BTD: variants seen among roughly 807,000 people sequenced by gnomAD.
BTD encodes biocytinase.
In BTD, 13 loss-of-function variants were observed where a neutral mutation model predicts 17.7. The ratio of observed to expected loss-of-function variants is 0.74; its 90% CI spans 0.48 to 1.17. BTD has a LOEUF of 1.17. Among genes scored for constraint, BTD ranks in the 50% most tolerant of loss-of-function variants. The probability of loss-of-function intolerance (pLI) is 0.00; values close to 1 mark genes in which losing one functional copy is unlikely to be tolerated. For synonymous variants in BTD, 240 were observed against 245.2 expected (o/e 0.98, Z 0.20); for missense variants, 674 against 650.4 (o/e 1.04, Z -0.39).
intron 3 of BTD, among the ~76,000 whole-genome samples, chr3:15,682,547 G>A (rs988594281): frequency 2.0e-5 from 3 of 152,124 alleles, no homozygotes; most frequent in Non-Finnish European, 4.4e-5. Flanking sequence ...ATTTTTTAAA[G>A]GAATAATAAG....
rs933546568 is a variant in BTD, at chr3:15,648,651, T to C, written c.*3163T>C. On this transcript the variant is annotated 3_prime_UTR_variant, in exon 4 of 4. Coordinates refer to ENST00000643237, the MANE Select transcript of BTD (RefSeq NM_001370658.1). The stretch of plus-strand genomic sequence containing the variant: ...GCCTCACTGGATTTGGAGAATATTA[T>C]TGATTAAATTGCGTCTTCCCCAAAA... Among the ~76,000 whole-genome samples the C allele has an allele frequency of 1.3e-5, 2 of 152,176 alleles. No individual in the cohort carries two copies. The highest frequency in any genetic ancestry group is 4.8e-5 in the African/African-American group (2 of 41,436).
intron 3 of BTD, among the ~76,000 whole-genome samples, chr3:15,696,475 AGTCT>A (rs1279408804): frequency 6.6e-6 from 1 of 152,134 alleles, no homozygotes; most frequent in Non-Finnish European, 1.5e-5. Context: ...ATACCTCAAA[AGTCT>A]GTCAGACAGC....
intron 3 of BTD, 120 bp downstream of exon 3, chr3:15,642,177 A>G (rs774349269): frequency 6.5e-7 from 1 of 1,530,556 alleles, no homozygotes; most frequent in Non-Finnish European, 8.8e-7. Context: ...CCAAAATCCA[A>G]CCCAAACTCC....
chr3:15,627,415 A>T (rs1191687218), intron 1 of BTD, among the ~76,000 whole-genome samples: 1 of 152,030 alleles, frequency 6.6e-6, no homozygotes, highest in African/African-American at 2.4e-5. Flanking sequence ...TTTGGTAGAG[A>T]CAGTGTTTCT....
chr3:15,677,012 A>G, intron 3 of BTD: 2 of 1,613,400 alleles, frequency 1.2e-6, no homozygotes, highest in African/African-American at 1.3e-5. Flanking sequence ...TGAGGTTTCT[A>G]TCTGTTATCT....
At chr3:15,664,550 TCA>T (rs1346515196) in intron 3 of BTD, among the ~76,000 whole-genome samples, 22 of 152,212 alleles carry the variant, frequency 1.4e-4, no homozygotes, top group Non-Finnish European at 2.1e-4. Context: ...CCTTTAATTT[TCA>T]GACTTCTAAA....
rs761112772 is a variant in BTD at position 15,635,503 on chromosome 3, G to T, written c.64G>T (p.Ala22Ser). 2 of 1,614,232 alleles carry T rather than the reference G, an allele frequency of 1.2e-6. No homozygotes were observed. Among genetic ancestry groups the T allele is most frequent in the Admixed American group, 1.7e-5 (1 of 60,030 alleles). ...CGGCTGTTACGTGGTTGCCCTGGGAGCCCACACCGGGGAGGAGAGCGTGGC... is the reference window on the plus strand; with the variant it reads ...CGGCTGTTACGTGGTTGCCCTGGGATCCCACACCGGGGAGGAGAGCGTGGC... ...LCGCYVVALGAHTGEESVADH... is the reference protein window; with the variant it reads ...LCGCYVVALGSHTGEESVADH... The change falls in exon 2 of 4, where the codon GCC (alanine) becomes TCC (serine). Residue 22 changes from alanine to serine, a missense_variant. By Grantham distance (99) the Ala-to-Ser change is moderately conservative. Coordinates refer to ENST00000643237, the MANE Select transcript of BTD (RefSeq NM_001370658.1). This position sits in a 1 kb window ranked among gnomAD's most constrained non-coding sequence, Gnocchi z 4.1.
intron 3 of BTD, chr3:15,708,148 C>G: frequency 7.0e-7 from 1 of 1,430,860 alleles, no homozygotes; most frequent in South Asian, 1.3e-5. Context: ...TTACTCCTCC[C>G]AGTTACAAAT....
At chr3:15,703,045 G>A (rs2070842071) in intron 3 of BTD, among the ~76,000 whole-genome samples, 1 of 152,150 alleles carries the variant, frequency 6.6e-6, no homozygotes. Flanking sequence ...AAAAGGCAGA[G>A]CTAGTATCAA....
At chr3:15,654,166 A>G (rs2065846669), downstream of BTD, among the ~76,000 whole-genome samples, 1 of 152,242 alleles carries the variant, frequency 6.6e-6, no homozygotes, top group African/African-American at 2.4e-5. Context: ...CAGTATTTGA[A>G]GAACTAACAA....
At position 15,651,897 on chromosome 3, in the gene BTD, G is replaced by T. The variant is rs2065811080; in HGVS notation, c.*6409G>T. ...TTAATGAAAATAACCTTGGTAGCTA[G>T]TCTCAAGATTAGCCCCCAGTGCTCC... On this transcript the variant is annotated 3_prime_UTR_variant, in exon 4 of 4. Coordinates refer to ENST00000643237, the MANE Select transcript of BTD (RefSeq NM_001370658.1). 6.6e-6 allele frequency among the ~76,000 whole-genome samples: 1 copy of T among 152,246 alleles called. No individual in the cohort carries two copies. The highest frequency in any genetic ancestry group is 2.1e-4 in the South Asian group (1 of 4,832).
At chr3:15,679,154 A>G (rs1168177757) in intron 3 of BTD, 3 of 670,216 alleles carry the variant, frequency 4.5e-6, no homozygotes, top group Non-Finnish European at 5.1e-6. Context: ...TTTTTGGTAG[A>G]GATGCAGGTC....
downstream of BTD, among the ~76,000 whole-genome samples, chr3:15,655,327 G>A (rs1446009621): frequency 6.6e-6 from 1 of 152,166 alleles, no homozygotes; most frequent in African/African-American, 2.4e-5. Context: ...ATAAAAGCCA[G>A]TATTTTGGCA....
chr3:15,720,874 T>A (rs1050068868), intron 4 of BTD: 9 of 1,566,870 alleles, frequency 5.7e-6, no homozygotes, highest in Non-Finnish European at 6.1e-6. Flanking sequence ...GTTTTAACAG[T>A]GACATATGAA....
At chr3:15,657,249 C>G (rs529549837), downstream of BTD, among the ~76,000 whole-genome samples, 1 of 152,264 alleles carries the variant, frequency 6.6e-6, no homozygotes, top group South Asian at 2.1e-4. Flanking sequence ...CTTCTAGATT[C>G]AAGGAGAGGA....
chr3:15,611,697 G>GAA (rs1313032433), intron 1 of BTD, among the ~76,000 whole-genome samples: 2 of 151,534 alleles, frequency 1.3e-5, no homozygotes, highest in African/African-American at 4.9e-5. Flanking sequence ...AGGATTGCTT[G>GAA]AATCCAGGAG....
intron 3 of BTD, among the ~76,000 whole-genome samples, chr3:15,705,448 A>G (rs1049722015): frequency 6.6e-6 from 1 of 152,174 alleles, no homozygotes; most frequent in African/African-American, 2.4e-5. Context: ...GATCATGCTG[A>G]GCTGTACCCA....
At chr3:15,677,791 T>C (rs1277135292) in intron 3 of BTD, among the ~76,000 whole-genome samples, 1 of 152,238 alleles carries the variant, frequency 6.6e-6, no homozygotes, top group African/African-American at 2.4e-5. Flanking sequence ...ACATTTATTT[T>C]GTGACTGTGC....
rs1035264333 is a variant in BTD at position 15,678,044 on chromosome 3, TA to T, written c.400-32012del. ...AGACTCCTCAATAGTCAGGGCAAAC[TA>T]AAACATTGTATCCCTAAATGAAAAT... On this transcript the variant is annotated intron_variant, in intron 3 of 3. Coordinates refer to the BTD transcript ENST00000672141. Among the ~76,000 whole-genome samples, 10 of 152,194 alleles carry T rather than the reference TA, an allele frequency of 6.6e-5. 1 individual carries two copies. Among genetic ancestry groups the T allele is most frequent in the Admixed American group, 5.9e-4 (9 of 15,270 alleles).
Sources: allele counts gnomAD v4.1 joint callset (sites outside exome capture counted in the v4.1 genomes callset), GRCh38; gene constraint gnomAD v4.1.1; non-coding constraint Gnocchi (gnomAD v3.1); transcripts MANE v1.5; gene names NCBI Gene and HGNC (gene_info 2026-07-23, HGNC 2026-07-21).